Variants in EML1 observed in about 807,000 individuals in gnomAD.
EML1 encodes EMAP like 1.
In EML1, 27 loss-of-function variants were observed where a neutral mutation model predicts 110.4. The ratio of observed to expected loss-of-function variants is 0.24; its 90% CI spans 0.18 to 0.34. EML1 has a LOEUF of 0.34. EML1 is among the 10% of genes least tolerant of loss of function. The probability of loss-of-function intolerance (pLI) is 1.00; values close to 1 mark genes in which losing one functional copy is unlikely to be tolerated. For missense variants in EML1, 741 were observed against 1,030.9 expected, an observed-to-expected ratio of 0.72 and a Z score of 3.85; for synonymous variants, 344 against 385.8, an observed-to-expected ratio of 0.89 and a Z score of 1.27.
intron 11 of EML1, 121 bp downstream of exon 11, chr14:99,909,600 G>A (rs2059912740): frequency 1.6e-6 from 2 of 1,286,492 alleles, no homozygotes; most frequent in East Asian, 2.3e-5. Flanking sequence ...TAGTTGGGAA[G>A]CGTGTCACAC....
intron 1 of EML1, among the ~76,000 whole-genome samples, chr14:99,845,614 T>G (rs1566894687): frequency 6.6e-6 from 1 of 152,254 alleles, no homozygotes; most frequent in African/African-American, 2.4e-5. Flanking sequence ...AAGACATAGT[T>G]TTAAAAAGAC....
upstream of EML1, among the ~76,000 whole-genome samples, chr14:99,771,212 C>G (rs940065322): frequency 7.2e-5 from 11 of 152,254 alleles, no homozygotes; most frequent in Admixed American, 2.0e-4. Flanking sequence ...AAAAAAGACC[C>G]CATACCCATT....
intron 1 of EML1, among the ~76,000 whole-genome samples, chr14:99,779,319 A>C (rs1301272479): frequency 6.6e-6 from 1 of 152,166 alleles, no homozygotes; most frequent in Non-Finnish European, 1.5e-5. Flanking sequence ...TTTAATTTTC[A>C]AAGATGTTTT....
intron 1 of EML1, among the ~76,000 whole-genome samples, chr14:99,829,714 T>C (rs2058418389): frequency 6.6e-6 from 1 of 152,222 alleles, no homozygotes; most frequent in Admixed American, 6.5e-5. Context: ...CCTTACTCTG[T>C]AGTAGTGACT....
intron 1 of EML1, among the ~76,000 whole-genome samples, chr14:99,743,726 C>G (rs1219626450): frequency 6.6e-6 from 1 of 152,156 alleles, no homozygotes; most frequent in Non-Finnish European, 1.5e-5. Flanking sequence ...ACGCCAGTGT[C>G]GGAAGTACCC....
chr14:99,884,518 G>A (rs1373358546), intron 4 of EML1, among the ~76,000 whole-genome samples: 1 of 152,026 alleles, frequency 6.6e-6, no homozygotes, highest in Non-Finnish European at 1.5e-5. Context: ...AATTCCCAAA[G>A]GACTCACAAA....
At chr14:99,903,023 A>G (rs1455307235) in intron 9 of EML1, among the ~76,000 whole-genome samples, 3 of 152,242 alleles carry the variant, frequency 2.0e-5, no homozygotes, top group African/African-American at 7.2e-5. Flanking sequence ...CAATTATGCA[A>G]TTAACTATAT....
chr14:99,932,906 A>G (rs1174437224), intron 17 of EML1, among the ~76,000 whole-genome samples: 3 of 152,136 alleles, frequency 2.0e-5, no homozygotes, highest in Admixed American at 2.0e-4. Context: ...GCTTGAGCAC[A>G]GGAGTTCGAG....
intron 1 of EML1, among the ~76,000 whole-genome samples, chr14:99,754,975 C>G (rs1384474992): frequency 1.3e-5 from 2 of 152,242 alleles, no homozygotes; most frequent in African/African-American, 2.4e-5. Flanking sequence ...TAAACCTAAC[C>G]AGCTGTAATC....
intron 17 of EML1, 45 bp from the exon 18 acceptor site, chr14:99,935,984 T>C (rs1291607386): frequency 6.4e-7 from 1 of 1,560,868 alleles, no homozygotes. Context: ...ACGAACAAAA[T>C]GTGTATTGTT....
intron 15 of EML1, 132 bp from the exon 16 acceptor site, chr14:99,917,650 T>C: frequency 1.2e-6 from 1 of 819,928 alleles, no homozygotes; most frequent in Non-Finnish European, 1.9e-6. Flanking sequence ...AAAGAGACTT[T>C]TCAAATAGAG....
chr14:99,756,698 A>G (rs2057259194), intron 1 of EML1, among the ~76,000 whole-genome samples: 1 of 152,074 alleles, frequency 6.6e-6, no homozygotes, highest in Non-Finnish European at 1.5e-5. Flanking sequence ...TTGTTAAAAA[A>G]TTACACCTTC....
upstream of EML1, among the ~76,000 whole-genome samples, chr14:99,769,770 G>A (rs989518310): frequency 3.9e-5 from 6 of 152,136 alleles, no homozygotes; most frequent in South Asian, 2.1e-4. Flanking sequence ...CAATTCCTCC[G>A]AGGCTACATT....
At chr14:99,823,688 C>T (rs1377285473) in intron 1 of EML1, among the ~76,000 whole-genome samples, 2 of 152,006 alleles carry the variant, frequency 1.3e-5, no homozygotes, top group Non-Finnish European at 1.5e-5. Flanking sequence ...AACAAGTCCT[C>T]ACATTCTAGT....
intron 1 of EML1, among the ~76,000 whole-genome samples, chr14:99,828,082 T>G (rs2139766136): frequency 6.6e-6 from 1 of 152,332 alleles, no homozygotes; most frequent in Admixed American, 6.5e-5. Flanking sequence ...GTCATGTATG[T>G]GTTACCCAAC....
intron 1 of EML1, among the ~76,000 whole-genome samples, chr14:99,740,628 G>A (rs1405674486): frequency 6.6e-6 from 1 of 152,180 alleles, no homozygotes; most frequent in Non-Finnish European, 1.5e-5. Flanking sequence ...GAACTCTCCT[G>A]CATCAAGTAC....
intron 2 of EML1, among the ~76,000 whole-genome samples, chr14:99,861,659 T>G (rs1272954880): frequency 6.6e-6 from 1 of 152,108 alleles, no homozygotes; most frequent in Non-Finnish European, 1.5e-5. Flanking sequence ...TTTTTCTGTT[T>G]TTAGTAGAGA....
upstream of EML1, among the ~76,000 whole-genome samples, chr14:99,788,451 A>C (rs2057623944): frequency 6.6e-6 from 1 of 152,164 alleles, no homozygotes; most frequent in African/African-American, 2.4e-5. Context: ...CTGTGTTAGA[A>C]TATACACAAC....
At chr14:99,774,324 C>G (rs887349238) in intron 1 of EML1, among the ~76,000 whole-genome samples, 6 of 152,212 alleles carry the variant, frequency 3.9e-5, no homozygotes, top group African/African-American at 1.4e-4. Flanking sequence ...CGCATCCACG[C>G]TCCTCACCAC....
Sources: gnomAD v4.1 joint callset for allele counts (sites outside exome capture counted in the v4.1 genomes callset) on GRCh38, gnomAD v4.1.1 for gene constraint, MANE v1.5 for transcripts, NCBI Gene and HGNC (gene_info 2026-07-23, HGNC 2026-07-21) for gene names.